CNTN3: variants seen among roughly 807,000 people sequenced by gnomAD.
CNTN3 encodes the protein contactin-3.
Under a neutral mutation model 119.1 loss-of-function variants are expected in CNTN3, and 60 were observed. The observed-to-expected ratio is 0.50, with a 90% CI of 0.41 to 0.62. CNTN3 has a LOEUF of 0.62. CNTN3 is among the 20% of genes least tolerant of loss of function. The pLI is 0.00. For synonymous variants in CNTN3, 450 were observed against 438.7 expected, an observed-to-expected ratio of 1.03 and a Z score of -0.32; for missense variants, 1,101 against 1,242.4, an observed-to-expected ratio of 0.89 and a Z score of 1.71.
chr3:74,361,245 A>G (rs1176171176), intron 11 of CNTN3, among the ~76,000 whole-genome samples: 3 of 152,192 alleles, frequency 2.0e-5, no homozygotes, highest in African/African-American at 7.2e-5. Flanking sequence ...CTTCATCCAC[A>G]TAACAATTCT....
At chr3:74,459,474 T>C (rs1041386929) in intron 4 of CNTN3, among the ~76,000 whole-genome samples, 3 of 152,058 alleles carry the variant, frequency 2.0e-5, no homozygotes, top group Non-Finnish European at 4.4e-5. Flanking sequence ...GGCTTTCTAC[T>C]GACTTCTGAA....
At chr3:74,461,286 G>A (rs182028964) in intron 4 of CNTN3, among the ~76,000 whole-genome samples, 3 of 151,924 alleles carry the variant, frequency 2.0e-5, no homozygotes, top group African/African-American at 7.2e-5. Flanking sequence ...TAGCAGTTTT[G>A]CACTCCTCCT....
intron 20 of CNTN3, among the ~76,000 whole-genome samples, chr3:74,271,778 T>C (rs1035736140): frequency 1.3e-5 from 2 of 152,206 alleles, no homozygotes; most frequent in Non-Finnish European, 2.9e-5. Context: ...GCAACGATCA[T>C]GTAATCAAAA....
chr3:74,283,453 T>G (rs1702053934), intron 20 of CNTN3, among the ~76,000 whole-genome samples: 1 of 152,186 alleles, frequency 6.6e-6, no homozygotes, highest in African/African-American at 2.4e-5. Context: ...CCCTAAATTG[T>G]AAAGGGATTT....
chr3:74,502,215 C>T (rs1703178504), intron 2 of CNTN3, among the ~76,000 whole-genome samples: 2 of 151,862 alleles, frequency 1.3e-5, no homozygotes, highest in African/African-American at 4.8e-5. Flanking sequence ...TTGGAAATAA[C>T]AGGAAAGTTG....
chr3:74,588,270 A>G (rs1704633772), intron 1 of CNTN3, among the ~76,000 whole-genome samples: 1 of 152,116 alleles, frequency 6.6e-6, no homozygotes, highest in Admixed American at 6.6e-5. Context: ...TCAGGATAAA[A>G]ATCAATGTAC....
chr3:74,310,889 C>A (rs1036075674), intron 13 of CNTN3, among the ~76,000 whole-genome samples: 1 of 152,124 alleles, frequency 6.6e-6, no homozygotes, highest in African/African-American at 2.4e-5. Flanking sequence ...ATACTGCCTC[C>A]GCCTTGGGCA....
Position 74,548,319 on chromosome 3 carries a change from T to G in CNTN3, c.-80-27127A>C, listed in dbSNP as rs143854858. On this transcript the variant is annotated intron_variant, in intron 1 of 22. Coordinates refer to ENST00000263665, the MANE Select transcript of CNTN3 (RefSeq NM_020872.3). Reference sequence around the variant, plus strand: ...AGTTGGCCATTTAGATGAATATATATGGGTTTTGATAGTTTTTGGTAAATA... The same window carrying G: ...AGTTGGCCATTTAGATGAATATATAGGGGTTTTGATAGTTTTTGGTAAATA... Among the ~76,000 whole-genome samples the G allele has an allele frequency of 5.6e-3, 851 of 152,280 alleles. 4 individuals carry two copies. Among genetic ancestry groups the G allele is most frequent in the African/African-American group, 0.019 (810 of 41,562 alleles).
intron 5 of CNTN3, among the ~76,000 whole-genome samples, chr3:74,388,769 T>C (rs1468984982): frequency 6.6e-6 from 1 of 152,196 alleles, no homozygotes; most frequent in Non-Finnish European, 1.5e-5. Flanking sequence ...AGAAAGCCCT[T>C]GTATTTGATA....
At chr3:74,361,832 A>G (rs897285096) in intron 11 of CNTN3, 58 bp downstream of exon 11, 6 of 1,508,654 alleles carry the variant, frequency 4.0e-6, no homozygotes, top group Non-Finnish European at 5.4e-6. Flanking sequence ...ACCTATGTTG[A>G]CATCAGTATG....
intron 1 of CNTN3, among the ~76,000 whole-genome samples, chr3:74,577,419 C>T (rs1704435041): frequency 6.6e-6 from 1 of 152,098 alleles, no homozygotes. Flanking sequence ...ATTATACTTT[C>T]TCAAGAGTGG....
chr3:74,538,821 G>T (rs1703800821), intron 1 of CNTN3, among the ~76,000 whole-genome samples: 1 of 151,992 alleles, frequency 6.6e-6, no homozygotes, highest in Non-Finnish European at 1.5e-5. Context: ...AGAAATTGCT[G>T]AAGATCTGTA....
At chr3:74,282,866 G>C (rs1441247962) in intron 20 of CNTN3, among the ~76,000 whole-genome samples, 2 of 152,122 alleles carry the variant, frequency 1.3e-5, no homozygotes, top group Non-Finnish European at 2.9e-5. Flanking sequence ...TGCCATTTTA[G>C]GATGACTGGG....
intron 3 of CNTN3, 79 bp downstream of exon 3, chr3:74,499,580 T>C: frequency 7.1e-7 from 1 of 1,413,062 alleles, no homozygotes; most frequent in Non-Finnish European, 9.5e-7. Context: ...ATAAATATAT[T>C]GAAGCAAAAA....
chr3:74,391,808 C>T (rs1575681583), intron 5 of CNTN3, among the ~76,000 whole-genome samples: 1 of 151,994 alleles, frequency 6.6e-6, no homozygotes, highest in African/African-American at 2.4e-5. Context: ...CGTTCGCGTG[C>T]CACCACGCCC....
chr3:74,497,031 G>A (rs913309188), intron 3 of CNTN3, among the ~76,000 whole-genome samples: 1 of 151,950 alleles, frequency 6.6e-6, no homozygotes, highest in African/African-American at 2.4e-5. Flanking sequence ...TTAAAAACAT[G>A]TTTGGATTGC....
At chr3:74,406,499 G>A (rs189195170) in intron 5 of CNTN3, among the ~76,000 whole-genome samples, 80 of 149,808 alleles carry the variant, frequency 5.3e-4, no homozygotes, top group South Asian at 4.2e-4. Context: ...AATAAGCATC[G>A]TTGCTTTTCT....
chr3:74,506,981 A>G (rs1015994770), intron 2 of CNTN3, among the ~76,000 whole-genome samples: 2 of 152,142 alleles, frequency 1.3e-5, no homozygotes, highest in Non-Finnish European at 1.5e-5. Context: ...GGTCAAGGCC[A>G]GTTAGGACCA....
chr3:74,344,423 T>G (rs1294946621), intron 11 of CNTN3, among the ~76,000 whole-genome samples: 3 of 27,660 alleles, frequency 1.1e-4, no homozygotes, highest in African/African-American at 3.5e-4. Context: ...TTTTTTTTTT[T>G]TTTTTTTTTT....
Sources: allele counts gnomAD v4.1 joint callset (sites outside exome capture counted in the v4.1 genomes callset), GRCh38; gene constraint gnomAD v4.1.1; transcripts MANE v1.5; gene names NCBI Gene and HGNC (gene_info 2026-07-23, HGNC 2026-07-21).